The following NRK variants were observed in gnomAD, a reference collection of about 807,000 sequenced individuals.
NRK encodes Nik related kinase.
Under a neutral mutation model 125.2 loss-of-function variants are expected in NRK, and 67 were observed. The observed-to-expected ratio is 0.54, with a 90% CI of 0.44 to 0.66. The LOEUF is 0.66. Among genes scored for constraint, NRK ranks in the 30% least tolerant of loss-of-function variants. The probability of loss-of-function intolerance (pLI) is 0.00; values close to 1 mark genes in which losing one functional copy is unlikely to be tolerated. For synonymous variants in NRK, 458 were observed against 429.0 expected (o/e 1.07, Z -0.84); for missense variants, 1,224 against 1,192.9 (o/e 1.03, Z -0.38).
At chrX:105,828,489 A>T (rs1385873957) in intron 1 of NRK, among the ~76,000 whole-genome samples, 2 of 112,101 alleles carry the variant, frequency 1.8e-5, no homozygotes, top group Admixed American at 1.9e-4. Flanking sequence ...GACTGTGCTC[A>T]AAGATTCAAA....
intron 2 of NRK, among the ~76,000 whole-genome samples, chrX:105,835,858 G>C (rs1416236120): frequency 9.1e-6 from 1 of 110,473 alleles, no homozygotes; most frequent in African/African-American, 3.3e-5. Flanking sequence ...GGCTTCCAAG[G>C]GTTCTATACT....
chrX:105,920,614 C>T (rs1177870772), intron 16 of NRK, among the ~76,000 whole-genome samples: 5 of 110,095 alleles, frequency 4.5e-5, no homozygotes, highest in Admixed American at 3.9e-4. Flanking sequence ...CTTCACATCC[C>T]TTGTAAGTTG....
At chrX:105,920,033 C>T (rs1273123253) in intron 16 of NRK, among the ~76,000 whole-genome samples, 3 of 104,276 alleles carry the variant, frequency 2.9e-5, no homozygotes, top group East Asian at 6.0e-4. Context: ...TTAGGTCTAA[C>T]GTTTAAGTCT....
intron 19 of NRK, among the ~76,000 whole-genome samples, chrX:105,925,265 A>G (rs2040508318): frequency 9.0e-6 from 1 of 111,504 alleles, no homozygotes; most frequent in African/African-American, 3.3e-5. Flanking sequence ...CTCAGATCAC[A>G]TATTTGAGGT....
chrX:105,877,770 G>A (rs1453894805), intron 2 of NRK, among the ~76,000 whole-genome samples: 1 of 110,352 alleles, frequency 9.1e-6, no homozygotes, highest in Non-Finnish European at 1.9e-5. Context: ...CCCAATATTA[G>A]GACACATTTT....
chrX:105,850,232 A>G (rs1433292666), intron 2 of NRK, among the ~76,000 whole-genome samples: 1 of 112,510 alleles, frequency 8.9e-6, no homozygotes, highest in Admixed American at 9.4e-5. Context: ...CCTGAGCTCT[A>G]CATTGGCCCC....
intron 27 of NRK, among the ~76,000 whole-genome samples, chrX:105,951,010 C>CT (rs1182571625): frequency 1.8e-3 from 184 of 100,820 alleles, no homozygotes; most frequent in East Asian, 2.5e-3. Flanking sequence ...AATCCTTCTT[C>CT]TTTTTTTTTT....
Position 105,949,540 on chromosome X carries a change from T to C in NRK, c.4354-35T>C, listed in dbSNP as rs754484851. 3.6e-6 allele frequency: 4 copies of C among 1,103,691 alleles called. No homozygotes were observed. In the South Asian group the frequency reaches 5.7e-5, roughly 16 times the overall value. The allele number at this position is 1,103,691 out of a possible 1,213,427, so 91.0% of individuals were successfully genotyped here. Reference sequence around the variant, plus strand: ...CGATTAAAGTAGTAGTGATAAAATATTGGACATATAAATCTTTATGAAACA... The same window carrying C: ...CGATTAAAGTAGTAGTGATAAAATACTGGACATATAAATCTTTATGAAACA... On this transcript the variant is annotated intron_variant, in intron 26 of 28. Coordinates refer to ENST00000243300, the MANE Select transcript of NRK (RefSeq NM_198465.4).
At chrX:105,938,566 G>T (rs1270529285) in intron 22 of NRK, among the ~76,000 whole-genome samples, 1 of 111,506 alleles carries the variant, frequency 9.0e-6, no homozygotes, top group Non-Finnish European at 1.9e-5. Context: ...CTACATATCT[G>T]TATAACAGAT....
intron 2 of NRK, among the ~76,000 whole-genome samples, chrX:105,831,603 A>G (rs2039193915): frequency 8.9e-6 from 1 of 112,470 alleles, no homozygotes; most frequent in African/African-American, 3.2e-5. Flanking sequence ...TACTTATGGT[A>G]AACACTAAGT....
At chrX:105,825,512 C>T (rs903221081) in intron 1 of NRK, among the ~76,000 whole-genome samples, 3 of 112,299 alleles carry the variant, frequency 2.7e-5, no homozygotes, top group African/African-American at 9.7e-5. Flanking sequence ...GCCTAGCCAG[C>T]TAAATGACCA....
chrX:105,931,305 A>C (rs1282979041), intron 19 of NRK, among the ~76,000 whole-genome samples: 4 of 111,958 alleles, frequency 3.6e-5, no homozygotes, highest in Admixed American at 9.4e-5. Flanking sequence ...AACATAGTGT[A>C]TTTCAGCAGT....
chrX:105,825,329 G>A (rs1014605471), intron 1 of NRK, among the ~76,000 whole-genome samples: 1 of 112,217 alleles, frequency 8.9e-6, no homozygotes, highest in African/African-American at 3.2e-5. Context: ...TAGGACATAT[G>A]TGGAGGTCAG....
At chrX:105,889,229 C>T (rs2039985743) in intron 5 of NRK, among the ~76,000 whole-genome samples, 1 of 112,653 alleles carries the variant, frequency 8.9e-6, no homozygotes, top group African/African-American at 3.2e-5. Context: ...GCAGAGCAGT[C>T]AAATCTTAAA....
intron 18 of NRK, among the ~76,000 whole-genome samples, chrX:105,924,365 A>G (rs1229366689): frequency 1.8e-5 from 2 of 111,684 alleles, no homozygotes; most frequent in Non-Finnish European, 3.8e-5. Context: ...TTGCTAATGC[A>G]TGAAATAGTA....
intron 2 of NRK, among the ~76,000 whole-genome samples, chrX:105,839,804 A>G (rs1354157018): frequency 9.0e-6 from 1 of 111,160 alleles, no homozygotes; most frequent in Admixed American, 9.6e-5. Flanking sequence ...TTATTTGAAG[A>G]GGGAGTGATG....
chrX:105,881,830 T>G, intron 4 of NRK, 51 bp downstream of exon 4: 1 of 722,931 alleles, frequency 1.4e-6, no homozygotes, highest in Non-Finnish European at 2.1e-6. Flanking sequence ...CCTTTCATTT[T>G]CAGCTTTTAA....
At chrX:105,861,604 C>A (rs773445327) in intron 2 of NRK, among the ~76,000 whole-genome samples, 1 of 112,007 alleles carries the variant, frequency 8.9e-6, no homozygotes, top group Non-Finnish European at 1.9e-5. Context: ...GCCCCAGCTC[C>A]ATTTGTTAAA....
chrX:105,879,536 T>G lies in NRK; in HGVS notation c.124-663T>G, dbSNP rs1602633721. Among the ~76,000 whole-genome samples the G allele has an allele frequency of 2.7e-5, 3 of 111,033 alleles. No individual in the cohort carries two copies. The Admixed American group carries it at 2.9e-4, about 11-fold the overall frequency. The stretch of plus-strand genomic sequence containing the variant: ...AGGGTAAGATCTAAGCTCTTATAAC[T>G]CATCATATTTTCAATAAGAGAGAAT... On this transcript the variant is annotated intron_variant, in intron 2 of 28. Transcript: ENST00000243300.
Sources: allele counts gnomAD v4.1 joint callset (sites outside exome capture counted in the v4.1 genomes callset), GRCh38; gene constraint gnomAD v4.1.1; transcripts MANE v1.5; gene names NCBI Gene and HGNC (gene_info 2026-07-23, HGNC 2026-07-21).